Variants in VAC14 observed in about 807,000 individuals in gnomAD.
The protein encoded by VAC14 is VAC14 component of PIKFYVE complex.
In VAC14, 47 loss-of-function variants were observed where a neutral mutation model predicts 85.3. That is an observed-to-expected ratio of 0.55 (90% confidence interval 0.44 to 0.70). The LOEUF (loss-of-function observed/expected upper bound fraction) is 0.70, where lower values mean the gene tolerates loss of function less well. Ranked by LOEUF, VAC14 falls within the 30% of genes least tolerant of loss-of-function variation. The pLI, the probability that VAC14 is intolerant of heterozygous loss-of-function variation, is 0.00. For synonymous variants in VAC14, 447 were observed against 430.5 expected (o/e 1.04, Z -0.47); for missense variants, 861 against 1,004.3 (o/e 0.86, Z 1.93).
chr16:70,723,026 G>C (rs1443914120), intron 14 of VAC14, among the ~76,000 whole-genome samples: 1 of 152,068 alleles, frequency 6.6e-6, no homozygotes, highest in African/African-American at 2.4e-5. Flanking sequence ...GACCAACCTG[G>C]CCAACATGGT....
In VAC14 at chr16:70,782,693, A is replaced by C. The variant is rs2033870873; in HGVS notation, c.811+340T>G. 2.0e-5 allele frequency among the ~76,000 whole-genome samples: 3 copies of C among 152,266 alleles called. No individual in the cohort carries two copies. The South Asian group carries it at 6.2e-4, about 31-fold the overall frequency. Reference sequence around the variant, plus strand: ...GACGTTTTGTGGTGGTTTGATACTCAGCAGAAGTGAACAGATACATAATCC... The same window carrying C: ...GACGTTTTGTGGTGGTTTGATACTCCGCAGAAGTGAACAGATACATAATCC... On this transcript the variant is annotated intron_variant, in intron 7 of 18. Coordinates refer to ENST00000261776, the MANE Select transcript of VAC14 (RefSeq NM_018052.5).
At chr16:70,778,688 A>C (rs2033648540) in intron 9 of VAC14, 1 of 152,200 alleles carries the variant, frequency 6.6e-6, no homozygotes, top group African/African-American at 2.4e-5. Flanking sequence ...TGAACTTCAA[A>C]CAAACAGAGC....
chr16:70,781,836 CT>C (rs1567601116), intron 8 of VAC14, 32 bp downstream of exon 8: 1 of 1,610,746 alleles, frequency 6.2e-7, no homozygotes, highest in Non-Finnish European at 8.5e-7. Flanking sequence ...TTTGGGGCTT[CT>C]CTCAATTATT....
intron 14 of VAC14, among the ~76,000 whole-genome samples, chr16:70,727,363 G>A (rs1198403806): frequency 2.0e-5 from 3 of 151,970 alleles, no homozygotes; most frequent in South Asian, 2.1e-4. Context: ...TTTTTGAGAC[G>A]AAGTCTTGCT....
Position 70,783,393 on chromosome 16 carries a change from C to T in VAC14, c.704+52G>A, listed in dbSNP as rs74024456. Reference sequence around the variant, plus strand: ...TCTCTGTGGGCATGAAGCACATGGGCACAGCTGGGGGTGGCAGGAGGCAGC... The same window carrying T: ...TCTCTGTGGGCATGAAGCACATGGGTACAGCTGGGGGTGGCAGGAGGCAGC... On this transcript the variant is annotated intron_variant, in intron 6 of 18. Transcript: ENST00000261776. The T allele has an allele frequency of 2.8e-3, 4,454 of 1,576,572 alleles. 125 individuals are homozygous for T. The African/African-American group carries it at 0.055, about 19-fold the overall frequency.
chr16:70,782,132 C>T, intron 7 of VAC14, 129 bp from the exon 8 acceptor site: 3 of 1,281,982 alleles, frequency 2.3e-6, no homozygotes, highest in Non-Finnish European at 2.1e-6. Context: ...TCCAGCCTCA[C>T]CAATGCTCTA....
rs1241496267 is a variant in VAC14 at position 70,697,161 on chromosome 16, C to T, written c.1933G>A (p.Ala645Thr). 7 of 1,613,820 alleles carry T rather than the reference C, an allele frequency of 4.3e-6. No individual in the cohort carries two copies. The highest frequency in any genetic ancestry group is 2.2e-5 in the East Asian group (1 of 44,876). Reference sequence around the variant, plus strand: ...TACAACTTCTGGATGAGGTCATAGGCGTGCCGGTAGTTCTGGGTGAGGAAG... The same window carrying T: ...TACAACTTCTGGATGAGGTCATAGGTGTGCCGGTAGTTCTGGGTGAGGAAG... ...LCFLTQNYRH[A>T]YDLIQKFGDL... is the part of the protein sequence containing the mutation. The change falls in exon 16 of 19, where the codon GCC (alanine) becomes ACC (threonine). Residue 645 changes from alanine to threonine, a missense_variant. Ala to Thr is a moderately conservative substitution (Grantham distance 58, BLOSUM62 0). This residue lies in a region of VAC14 where 69 missense variants were observed against 139.0 expected (regional missense o/e 0.50). Transcript: ENST00000261776.
intron 12 of VAC14, among the ~76,000 whole-genome samples, chr16:70,759,732 C>G (rs1303248993): frequency 1.3e-5 from 2 of 152,184 alleles, no homozygotes; most frequent in African/African-American, 4.8e-5. Context: ...ACCACAAAAC[C>G]TTCCCCTGGT....
intron 12 of VAC14, among the ~76,000 whole-genome samples, chr16:70,753,022 G>A (rs2031523549): frequency 6.6e-6 from 1 of 151,768 alleles, no homozygotes; most frequent in Non-Finnish European, 1.5e-5. Context: ...GTGTGTGTGT[G>A]TGTGTGTGTG....
Position 70,788,216 on chromosome 16 carries a change from G to C in VAC14, c.105-1851C>G, listed in dbSNP as rs574651016. Among the ~76,000 whole-genome samples, 3 of 152,350 alleles carry C rather than the reference G, an allele frequency of 2.0e-5. No individual in the cohort carries two copies. In the East Asian group the frequency reaches 5.8e-4, roughly 29 times the overall value. ...TCTAGTAATTAAAACCAACGGTGCT[G>C]TCCTGTGAGACAGTGAGCACTCCGG... On this transcript the variant is annotated intron_variant, in intron 1 of 18. Transcript: ENST00000261776.
chr16:70,786,152 G>C (rs1055274126), intron 2 of VAC14, 63 bp downstream of exon 2: 13 of 1,580,348 alleles, frequency 8.2e-6, no homozygotes, highest in East Asian at 4.5e-5. Context: ...GGAAGGCATC[G>C]GGATGGCTTG....
At chr16:70,798,036 C>T (rs762850778) in intron 1 of VAC14, among the ~76,000 whole-genome samples, 15 of 152,218 alleles carry the variant, frequency 9.9e-5, no homozygotes, top group Admixed American at 7.9e-4. Context: ...CAGACTAACA[C>T]AGCACTTTAC....
chr16:70,735,643 C>T (rs1312901968), intron 13 of VAC14, among the ~76,000 whole-genome samples: 1 of 152,246 alleles, frequency 6.6e-6, no homozygotes. Context: ...GGATTCCTTA[C>T]CAAGAGCCAC....
Position 70,687,620 on chromosome 16 carries a change from T to C in VAC14, c.*308A>G. 3.6e-6 allele frequency: 1 copy of C among 276,372 alleles called. No individual in the cohort carries two copies. Among genetic ancestry groups the C allele is most frequent in the Non-Finnish European group, 6.8e-6 (1 of 147,858 alleles). The allele number at this position is 276,372 out of a possible 1,614,324, so 17.1% of individuals were successfully genotyped here. A position where few individuals can be genotyped will look rare whatever the true frequency, so the allele number is the denominator to read the frequency against. ...AGTGTGCTGGAGGAGGGGCAAGCTC[T>C]TTTTCCAAGAGGGTATTAGAAAGAG... On this transcript the variant is annotated 3_prime_UTR_variant, in exon 19 of 19. Coordinates refer to ENST00000261776, the MANE Select transcript of VAC14 (RefSeq NM_018052.5).
At chr16:70,756,766 C>G (rs2031901354) in intron 12 of VAC14, among the ~76,000 whole-genome samples, 1 of 152,134 alleles carries the variant, frequency 6.6e-6, no homozygotes, top group Admixed American at 6.5e-5. Flanking sequence ...CATGGTGTAC[C>G]TTACGAAACT....
chr16:70,792,646 T>G (rs1205434407), intron 1 of VAC14, among the ~76,000 whole-genome samples: 1 of 152,196 alleles, frequency 6.6e-6, no homozygotes, highest in Non-Finnish European at 1.5e-5. Flanking sequence ...TCTCAAAGAC[T>G]GCCACACTGA....
chr16:70,767,685 TAGCTTGAATTCC>T (rs891008574), intron 10 of VAC14, among the ~76,000 whole-genome samples: 1 of 152,222 alleles, frequency 6.6e-6, no homozygotes, highest in African/African-American at 2.4e-5. Flanking sequence ...CAGACAGATC[TAGCTTGAATTCC>T]AGCTTGGCTA....
intron 1 of VAC14, among the ~76,000 whole-genome samples, chr16:70,792,561 G>C (rs1338004143): frequency 1.3e-5 from 2 of 152,224 alleles, no homozygotes; most frequent in African/African-American, 4.8e-5. Context: ...TTGCAGGATG[G>C]CAGGAACACC....
intron 1 of VAC14, among the ~76,000 whole-genome samples, chr16:70,798,881 C>T (rs1186640085): frequency 1.3e-5 from 2 of 152,130 alleles, no homozygotes; most frequent in East Asian, 3.8e-4. Flanking sequence ...CAAGTGCTGC[C>T]AGGCTAAGTG....
Sources: allele counts gnomAD v4.1 joint callset (sites outside exome capture counted in the v4.1 genomes callset), GRCh38; gene constraint gnomAD v4.1.1; regional missense constraint gnomAD v4.1.1; transcripts MANE v1.5; gene names NCBI Gene and HGNC (gene_info 2026-07-23, HGNC 2026-07-21).